Variants in ABAT observed in about 807,000 individuals in gnomAD.
ABAT encodes 4-aminobutyrate aminotransferase, mitochondrial.
In ABAT, 45 loss-of-function variants were observed where a neutral mutation model predicts 64.6. The observed-to-expected ratio is 0.70, with a 90% CI of 0.55 to 0.89. The LOEUF (loss-of-function observed/expected upper bound fraction) is 0.89. ABAT is among the 40% of genes least tolerant of loss of function. The pLI is 0.00. For synonymous variants in ABAT, 297 were observed against 250.5 expected (o/e 1.19, Z -1.75); for missense variants, 633 against 658.4 (o/e 0.96, Z 0.42).
chr16:8,700,127 GAGT>G lies in ABAT; in HGVS notation c.-42+25420_-42+25422del, dbSNP rs547999847. 5.1e-4 allele frequency among the ~76,000 whole-genome samples: 77 copies of G among 152,140 alleles called. No individual in the cohort carries two copies. The East Asian group carries it at 0.013, about 26-fold the overall frequency. ...TGAGCCACCATGCCCAGCCTGCAGT[GAGT>G]AGTTCTTGATGCTTGTCCTGAACGC... is the stretch of plus-strand genomic sequence containing the variant. On this transcript the variant is annotated intron_variant, in intron 1 of 15. Coordinates refer to ENST00000268251, the MANE Select transcript of ABAT (RefSeq NM_020686.6).
At chr16:8,765,361 G>T (rs966739991) in intron 8 of ABAT, among the ~76,000 whole-genome samples, 1 of 150,572 alleles carries the variant, frequency 6.6e-6, no homozygotes, top group African/African-American at 2.4e-5. Context: ...AGAAGAAAAT[G>T]CTCCTTAAAT....
intron 1 of ABAT, chr16:8,683,566 G>C (rs955544791): frequency 1.2e-5 from 1 of 85,960 alleles, no homozygotes. Flanking sequence ...AAAAAAAAGA[G>C]AGAGAGAGAG....
At chr16:8,680,896 A>G (rs1324228962) in intron 1 of ABAT, among the ~76,000 whole-genome samples, 1 of 151,828 alleles carries the variant, frequency 6.6e-6, no homozygotes, top group African/African-American at 2.4e-5. Context: ...TTCTTTGCCC[A>G]TTTTTGAATT....
Position 8,783,649 on chromosome 16 carries a change from A to T in ABAT, c.*2219A>T, listed in dbSNP as rs2143011362. Reference sequence around the variant, plus strand: ...TTAACAAGCAAGCAAAATGCAAACCAAACCATTATTCATTTATTGGCTTAA... The same window carrying T: ...TTAACAAGCAAGCAAAATGCAAACCTAACCATTATTCATTTATTGGCTTAA... On this transcript the variant is annotated 3_prime_UTR_variant, in exon 16 of 16. Coordinates refer to ENST00000268251, the MANE Select transcript of ABAT (RefSeq NM_020686.6). The T allele has an allele frequency of 6.6e-6, 1 of 152,352 alleles. No individual in the cohort carries two copies. The highest frequency in any genetic ancestry group is 1.9e-4 in the East Asian group (1 of 5,184). The allele number at this position is 152,352 out of a possible 1,614,324, so 9.4% of individuals were successfully genotyped here.
At chr16:8,680,823 A>G (rs192103468) in intron 1 of ABAT, among the ~76,000 whole-genome samples, 210 of 152,278 alleles carry the variant, frequency 1.4e-3, no homozygotes, top group African/African-American at 4.9e-3. Context: ...GACTGATGGC[A>G]TTGAGCATCT....
rs2059842182 is a variant in ABAT, at chr16:8,763,063, C to T, written c.367-1006C>T. Among the ~76,000 whole-genome samples, 4 of 147,390 alleles carry T rather than the reference C, an allele frequency of 2.7e-5. No individual in the cohort carries two copies. In the Admixed American group the frequency reaches 2.8e-4, roughly 10 times the overall value. ...GGTTGAGGCTGCAGTAAGCTGATAT[C>T]ACGCTACTGCACTCCAACCTGAGAG... On this transcript the variant is annotated intron_variant, in intron 6 of 15. Coordinates refer to ENST00000268251, the MANE Select transcript of ABAT (RefSeq NM_020686.6).
intron 1 of ABAT, among the ~76,000 whole-genome samples, chr16:8,700,490 T>C (rs2057797972): frequency 6.6e-6 from 1 of 152,200 alleles, no homozygotes; most frequent in Non-Finnish European, 1.5e-5. Flanking sequence ...ATTTAACATC[T>C]TCACCATAGA....
intron 5 of ABAT, among the ~76,000 whole-genome samples, chr16:8,751,579 A>C (rs2059485067): frequency 6.6e-6 from 1 of 152,184 alleles, no homozygotes; most frequent in Admixed American, 6.5e-5. Context: ...AGACTGAAGC[A>C]AAGGGCCTGG....
At chr16:8,777,121 G>C (rs962001672) in intron 14 of ABAT, among the ~76,000 whole-genome samples, 1 of 151,916 alleles carries the variant, frequency 6.6e-6, no homozygotes, top group African/African-American at 2.4e-5. Flanking sequence ...GGCTGGTCTC[G>C]AACCCCCGAC....
rs1377304381 is a variant in ABAT, at chr16:8,771,176, T to C, written c.817-1604T>C. 2.0e-5 allele frequency among the ~76,000 whole-genome samples: 3 copies of C among 151,562 alleles called. No individual in the cohort carries two copies. The East Asian group carries it at 5.9e-4, about 30-fold the overall frequency. On this transcript the variant is annotated intron_variant, in intron 11 of 15. Transcript: ENST00000268251. ...CGGGCATGGTGGTGCATGCCTGTAATCCCAGCTACTCCAGAGGCCGAAGCA... is the reference window on the plus strand; with the variant it reads ...CGGGCATGGTGGTGCATGCCTGTAACCCCAGCTACTCCAGAGGCCGAAGCA...
rs927697418 is a variant in ABAT, at chr16:8,781,189, T to TG, written c.1382-119dup. 7 of 1,432,034 alleles carry TG rather than the reference T, an allele frequency of 4.9e-6. No individual in the cohort carries two copies. The African/African-American group carries it at 8.4e-5, about 17-fold the overall frequency. 88.7% of individuals were successfully genotyped at this position (1,432,034 alleles called of 1,614,324 possible). On this transcript the variant is annotated intron_variant, in intron 15 of 15. Coordinates refer to ENST00000268251, the MANE Select transcript of ABAT (RefSeq NM_020686.6). This position sits in a 1 kb window ranked among gnomAD's most constrained non-coding sequence, Gnocchi z 4.5. ...AAGCCCGGGCTTCCATGATGGAGGA[T>TG]GATGGATGGATGGATGGATGGATGG...
Position 8,710,408 on chromosome 16 carries a change from C to A in ABAT, c.-41-25291C>A, listed in dbSNP as rs920211984. On this transcript the variant is annotated intron_variant, in intron 1 of 15. Coordinates refer to ENST00000268251, the MANE Select transcript of ABAT (RefSeq NM_020686.6). The stretch of plus-strand genomic sequence containing the variant: ...TTCTACCTCCATGTTGACATTTGAC[C>A]TTCAGAATGACCTTGGGAGGTATGA... Among the ~76,000 whole-genome samples, 3 of 151,924 alleles carry A rather than the reference C, an allele frequency of 2.0e-5. No individual in the cohort carries two copies. The South Asian group carries it at 6.2e-4, about 32-fold the overall frequency.
chr16:8,761,761 G>A (rs919386739), intron 6 of ABAT, among the ~76,000 whole-genome samples: 9 of 152,108 alleles, frequency 5.9e-5, no homozygotes, highest in South Asian at 2.1e-4. Context: ...GCACTCAGGT[G>A]GTGGCAATGG....
At chr16:8,767,939 G>T (rs572933773) in intron 9 of ABAT, among the ~76,000 whole-genome samples, 150 of 151,878 alleles carry the variant, frequency 9.9e-4, no homozygotes, top group African/African-American at 3.5e-3. Flanking sequence ...GCCTTCCAAA[G>T]TGCTGGGATT....
chr16:8,755,682 G>A (rs1030301526), intron 5 of ABAT, among the ~76,000 whole-genome samples: 9 of 152,176 alleles, frequency 5.9e-5, no homozygotes, highest in Admixed American at 3.3e-4. Context: ...AGGCCGAGGT[G>A]GGTGGATCAC....
rs957484407 is a variant in ABAT, at chr16:8,776,825, C to A, written c.1269+335C>A. On this transcript the variant is annotated intron_variant, in intron 14 of 15. Coordinates refer to ENST00000268251, the MANE Select transcript of ABAT (RefSeq NM_020686.6). The surrounding 1 kb of genome is among the most constrained non-coding windows in gnomAD (Gnocchi z 4.4). ...AACTCCTGGCCTCAAACGATCCTTC[C>A]ACCTCAGCCTCCCAAAGTGCTGGGC... Among the ~76,000 whole-genome samples, 3 of 152,146 alleles carry A rather than the reference C, an allele frequency of 2.0e-5. No homozygotes were observed. The highest frequency in any genetic ancestry group is 7.2e-5 in the African/African-American group (3 of 41,422).
chr16:8,781,509 C>T lies in ABAT; in HGVS notation c.*79C>T, dbSNP rs2143007862. 1 of 1,550,598 alleles carries T rather than the reference C, an allele frequency of 6.4e-7. No individual in the cohort carries two copies. The highest frequency in any genetic ancestry group is 1.1e-5 in the South Asian group (1 of 89,976). Reference sequence around the variant, plus strand: ...GATTAGTTTGCCTAATTCATGTTTTCACTTAAAAGTATCAGAGGTGAATGC... The same window carrying T: ...GATTAGTTTGCCTAATTCATGTTTTTACTTAAAAGTATCAGAGGTGAATGC... On this transcript the variant is annotated 3_prime_UTR_variant, in exon 16 of 16. Coordinates refer to ENST00000268251, the MANE Select transcript of ABAT (RefSeq NM_020686.6). This position sits in a 1 kb window ranked among gnomAD's most constrained non-coding sequence, Gnocchi z 4.5.
chr16:8,729,145 GAAAA>G (rs56095207), intron 1 of ABAT, among the ~76,000 whole-genome samples: 3 of 145,704 alleles, frequency 2.1e-5, no homozygotes. Flanking sequence ...TGGCTCTACT[GAAAA>G]AAAAAAAAAT....
chr16:8,779,599 T>A lies in ABAT; in HGVS notation c.1381+9T>A. The A allele has an allele frequency of 6.2e-7, 1 of 1,609,728 alleles. No individual in the cohort carries two copies. The highest frequency in any genetic ancestry group is 8.5e-7 in the Non-Finnish European group (1 of 1,176,876). On this transcript the variant is annotated intron_variant, in intron 15 of 15. Transcript: ENST00000268251. Reference sequence around the variant, plus strand: ...AATTGCCAGAAACAAAGGTAAGGGGTCAGGAGTGGCTGCTGAGTTTCATGA... The same window carrying A: ...AATTGCCAGAAACAAAGGTAAGGGGACAGGAGTGGCTGCTGAGTTTCATGA...
Sources: gnomAD v4.1 joint callset for allele counts (sites outside exome capture counted in the v4.1 genomes callset) on GRCh38, gnomAD v4.1.1 for gene constraint, Gnocchi (gnomAD v3.1) non-coding constraint, MANE v1.5 for transcripts, NCBI Gene and HGNC (gene_info 2026-07-23, HGNC 2026-07-21) for gene names.